PRKG1: variants seen among roughly 807,000 people sequenced by gnomAD.
The protein encoded by PRKG1 is cGMP-dependent protein kinase 1.
Under a neutral mutation model 88.1 loss-of-function variants are expected in PRKG1, and 35 were observed. The ratio of observed to expected loss-of-function variants is 0.40; its 90% CI spans 0.30 to 0.53. The LOEUF (loss-of-function observed/expected upper bound fraction) is 0.53. Ranked by LOEUF, PRKG1 falls within the 20% of genes least tolerant of loss-of-function variation. PRKG1 has a pLI of 0.59. For synonymous variants in PRKG1, 303 were observed against 292.5 expected, an observed-to-expected ratio of 1.04 and a Z score of -0.37; for missense variants, 540 against 839.8, an observed-to-expected ratio of 0.64 and a Z score of 4.41.
intron 5 of PRKG1, among the ~76,000 whole-genome samples, chr10:51,989,504 T>C (rs1564741468): frequency 6.6e-6 from 1 of 151,888 alleles, no homozygotes; most frequent in Non-Finnish European, 1.5e-5. Flanking sequence ...GCTACACATC[T>C]CCAGAGGTGA....
At chr10:51,607,560 C>T (rs74872488) in intron 3 of PRKG1, among the ~76,000 whole-genome samples, 4,360 of 152,264 alleles carry the variant, frequency 0.029, 148 homozygotes, top group South Asian at 0.1. Flanking sequence ...TTCCCATGTC[C>T]CAACTTTCTG....
intron 5 of PRKG1, among the ~76,000 whole-genome samples, chr10:51,923,728 G>A (rs1309562918): frequency 6.6e-6 from 1 of 151,068 alleles, no homozygotes; most frequent in Admixed American, 6.6e-5. Context: ...TAATAACTGA[G>A]TATATTGTTA....
chr10:51,708,888 C>G (rs1011754361), intron 3 of PRKG1, among the ~76,000 whole-genome samples: 1 of 152,134 alleles, frequency 6.6e-6, no homozygotes, highest in African/African-American at 2.4e-5. Flanking sequence ...CATCTATCAT[C>G]CTGTACCACT....
chr10:52,187,264 A>G (rs1025721313), intron 9 of PRKG1, among the ~76,000 whole-genome samples: 4 of 152,160 alleles, frequency 2.6e-5, no homozygotes, highest in African/African-American at 9.6e-5. Flanking sequence ...GTTGACTGGC[A>G]TTTTTTTACA....
intron 16 of PRKG1, among the ~76,000 whole-genome samples, chr10:52,289,696 CA>C (rs35915773): frequency 0.55 from 82,926 of 151,670 alleles, 22,999 homozygotes; most frequent in Non-Finnish European, 0.61. Context: ...CTTATTTTCA[CA>C]GAAAAACTGT....
At chr10:51,338,351 T>C (rs991767672) in intron 2 of PRKG1, among the ~76,000 whole-genome samples, 3 of 152,200 alleles carry the variant, frequency 2.0e-5, no homozygotes, top group Admixed American at 1.3e-4. Context: ...CAAATCACCA[T>C]GGCACACATT....
chr10:51,811,695 C>T (rs149557740), intron 4 of PRKG1, among the ~76,000 whole-genome samples: 53 of 152,318 alleles, frequency 3.5e-4, no homozygotes, highest in Non-Finnish European at 6.8e-4. Context: ...AAATTCCCCA[C>T]AATCTTGACT....
At chr10:51,628,801 T>A (rs1309536069) in intron 3 of PRKG1, among the ~76,000 whole-genome samples, 1 of 150,060 alleles carries the variant, frequency 6.7e-6, no homozygotes, top group East Asian at 2.0e-4. Flanking sequence ...CTACTAAAAA[T>A]ACAAAAAATT....
intron 1 of PRKG1, among the ~76,000 whole-genome samples, chr10:51,106,874 A>G (rs1255136847): frequency 6.6e-6 from 1 of 152,226 alleles, no homozygotes; most frequent in Non-Finnish European, 1.5e-5. Context: ...AACAAGCATG[A>G]TGTCAGGGAC....
chr10:51,174,197 A>G (rs1032401720), intron 2 of PRKG1, among the ~76,000 whole-genome samples: 1 of 151,938 alleles, frequency 6.6e-6, no homozygotes, highest in Admixed American at 6.6e-5. Flanking sequence ...ATAAGAATAT[A>G]TATTTTTTCA....
At chr10:51,251,127 G>T (rs10996331) in intron 2 of PRKG1, among the ~76,000 whole-genome samples, 1 of 151,490 alleles carries the variant, frequency 6.6e-6, no homozygotes. Context: ...TTTATAATAG[G>T]TTTCCCATAA....
intron 2 of PRKG1, among the ~76,000 whole-genome samples, chr10:51,376,714 G>A (rs984194512): frequency 3.9e-5 from 6 of 152,020 alleles, no homozygotes; most frequent in Non-Finnish European, 7.4e-5. Context: ...TGCTCTTGTA[G>A]CCCAGGCTGG....
At chr10:51,414,380 C>T (rs1027633216) in intron 2 of PRKG1, among the ~76,000 whole-genome samples, 2 of 152,212 alleles carry the variant, frequency 1.3e-5, no homozygotes, top group African/African-American at 2.4e-5. Flanking sequence ...AGGTGGTCTT[C>T]GTTTTTTCAC....
At chr10:51,305,268 A>G (rs1564438949) in intron 2 of PRKG1, among the ~76,000 whole-genome samples, 2 of 152,168 alleles carry the variant, frequency 1.3e-5, no homozygotes, top group Non-Finnish European at 2.9e-5. Flanking sequence ...CAAAATTTTC[A>G]TTTTAGAAAA....
intron 1 of PRKG1, among the ~76,000 whole-genome samples, chr10:51,040,238 G>GTT (rs1261125971): frequency 1.4e-5 from 2 of 143,618 alleles, no homozygotes; most frequent in Admixed American, 1.4e-4. Context: ...CCATTTGTGT[G>GTT]TGTGTGTGTG....
chr10:52,091,588 G>A (rs972552220), intron 7 of PRKG1, among the ~76,000 whole-genome samples: 3 of 152,182 alleles, frequency 2.0e-5, no homozygotes, highest in African/African-American at 7.2e-5. Flanking sequence ...GGAGATAAAA[G>A]TGTCCCCTTT....
At chr10:51,698,816 C>G in intron 3 of PRKG1, 1 of 1,614,146 alleles carries the variant, frequency 6.2e-7, no homozygotes, top group Non-Finnish European at 8.5e-7. Flanking sequence ...CTTCACAGGT[C>G]TTCTAGCCAA....
intron 3 of PRKG1, among the ~76,000 whole-genome samples, chr10:51,683,453 A>G (rs1840901345): frequency 6.6e-6 from 1 of 152,252 alleles, no homozygotes; most frequent in Non-Finnish European, 1.5e-5. Flanking sequence ...TGCCCAATGC[A>G]CATAGAGGTC....
chr10:51,757,086 C>A (rs1327692892), intron 3 of PRKG1, among the ~76,000 whole-genome samples: 1 of 151,456 alleles, frequency 6.6e-6, no homozygotes, highest in Non-Finnish European at 1.5e-5. Flanking sequence ...CATTTCCTCA[C>A]TTTCATTTTA....
Sources: gnomAD v4.1 joint callset for allele counts (sites outside exome capture counted in the v4.1 genomes callset) on GRCh38, gnomAD v4.1.1 for gene constraint, MANE v1.5 for transcripts, NCBI Gene and HGNC (gene_info 2026-07-23, HGNC 2026-07-21) for gene names.